The following DCAF8 variants were observed in gnomAD, a reference collection of about 807,000 sequenced individuals.
DCAF8 encodes DDB1 and CUL4 associated factor 8.
A neutral mutation model predicts 68.0 loss-of-function variants in DCAF8; 20 were observed. The observed-to-expected ratio is 0.29, with a 90% CI of 0.21 to 0.43. DCAF8 has a LOEUF of 0.43. Among genes scored for constraint, DCAF8 ranks in the 20% least tolerant of loss-of-function variants. The probability of loss-of-function intolerance (pLI) is 1.00; values close to 1 mark genes in which losing one functional copy is unlikely to be tolerated. For missense variants in DCAF8, 460 were observed against 771.0 expected, an observed-to-expected ratio of 0.60 and a Z score of 4.78; for synonymous variants, 230 against 276.9, an observed-to-expected ratio of 0.83 and a Z score of 1.68.
intron 7 of DCAF8, among the ~76,000 whole-genome samples, chr1:160,227,943 G>A (rs910562155): frequency 6.6e-6 from 1 of 151,994 alleles, no homozygotes; most frequent in Non-Finnish European, 1.5e-5. Context: ...CATCCAGGAT[G>A]GAGTGCAGTG....
intron 2 of DCAF8, among the ~76,000 whole-genome samples, chr1:160,245,282 T>C (rs1226763743): frequency 6.6e-6 from 1 of 152,212 alleles, no homozygotes; most frequent in Non-Finnish European, 1.5e-5. Context: ...AAGAATAATA[T>C]TATTCAGACC....
rs1655880115 is a variant in DCAF8, at chr1:160,236,307, T to C, written c.959+828A>G. On this transcript the variant is annotated intron_variant, in intron 6 of 13. Transcript: ENST00000368074. ...ACACGTACGTATATATATACATACA[T>C]ATATACGTGTGTGTATATAAATACA... Among the ~76,000 whole-genome samples the C allele has an allele frequency of 2.0e-5, 3 of 151,492 alleles. No homozygotes were observed. In the South Asian group the frequency reaches 6.2e-4, roughly 31 times the overall value.
chr1:160,239,067 G>C (rs1655995737), intron 4 of DCAF8: 1 of 710,830 alleles, frequency 1.4e-6, no homozygotes. Context: ...AATCTACTTT[G>C]ATTAAGAAAG....
At chr1:160,258,135 C>T (rs1397674472) in intron 2 of DCAF8, among the ~76,000 whole-genome samples, 4 of 151,972 alleles carry the variant, frequency 2.6e-5, no homozygotes, top group African/African-American at 7.3e-5. Flanking sequence ...TTGCTTGAGC[C>T]CAGGGGTTTG....
chr1:160,217,805 C>G (rs762683522), intron 13 of DCAF8, 97 bp from the exon 14 acceptor site: 10 of 926,258 alleles, frequency 1.1e-5, no homozygotes, highest in Non-Finnish European at 1.5e-5. Flanking sequence ...GGCCAGAGAT[C>G]AGCAGAATTT....
intron 7 of DCAF8, among the ~76,000 whole-genome samples, chr1:160,225,934 CATGGGTTCA>C (rs1236750566): frequency 6.6e-6 from 1 of 152,178 alleles, no homozygotes; most frequent in Non-Finnish European, 1.5e-5. Context: ...ACCTCCGCCT[CATGGGTTCA>C]AGCAATTCTC....
At position 160,225,634 on chromosome 1, in the gene DCAF8, T is replaced by A; in HGVS notation, c.1100A>T (p.Asn367Ile). The stretch of plus-strand genomic sequence containing the variant: ...CTTCTTGAGTACTCCATTGTTCTCA[T>A]TCTCATCAATTTTCCTCTGGTCATA... ...RIYDQRKIDE[N>I]ENNGVLKKFC... Residue 367 changes from asparagine (N) to isoleucine (I), a missense_variant, in exon 8 of 14, where the codon AAT becomes ATT. Around this residue, in one of 8 missense-constraint regions of DCAF8, gnomAD observed 170 missense variants for 318.2 expected, o/e 0.53. Coordinates refer to ENST00000368074, the MANE Select transcript of DCAF8 (RefSeq NM_015726.4). 1 of 1,613,852 alleles carries A rather than the reference T, an allele frequency of 6.2e-7. No homozygotes were observed. Among genetic ancestry groups the A allele is most frequent in the Non-Finnish European group, 8.5e-7 (1 of 1,179,740 alleles).
At chr1:160,227,682 A>T (rs1175438449) in intron 7 of DCAF8, among the ~76,000 whole-genome samples, 1 of 152,258 alleles carries the variant, frequency 6.6e-6, no homozygotes, top group Non-Finnish European at 1.5e-5. Flanking sequence ...TCTAATCTCT[A>T]TTAAAACTAT....
At chr1:160,244,780 C>G (rs142577308) in intron 2 of DCAF8, among the ~76,000 whole-genome samples, 2,404 of 152,014 alleles carry the variant, frequency 0.016, 61 homozygotes, top group African/African-American at 0.049. Context: ...ACCATGCCCA[C>G]CTTTCTGTAT....
At chr1:160,245,121 C>T (rs1407710960) in intron 2 of DCAF8, among the ~76,000 whole-genome samples, 2 of 152,200 alleles carry the variant, frequency 1.3e-5, no homozygotes, top group African/African-American at 2.4e-5. Context: ...TAATGGCAAA[C>T]ACTGTTTCAC....
intron 8 of DCAF8, among the ~76,000 whole-genome samples, 176 bp downstream of exon 8, chr1:160,225,415 C>T (rs1655438687): frequency 6.6e-6 from 1 of 152,178 alleles, no homozygotes; most frequent in African/African-American, 2.4e-5. Context: ...AAAACTGAGG[C>T]TATCAGAAGT....
chr1:160,256,720 T>C (rs1441975221), intron 2 of DCAF8, among the ~76,000 whole-genome samples: 1 of 152,224 alleles, frequency 6.6e-6, no homozygotes, highest in East Asian at 1.9e-4. Context: ...AGACATACTA[T>C]TAATACATTT....
At chr1:160,259,965 G>A (rs999337469) in intron 2 of DCAF8, among the ~76,000 whole-genome samples, 3 of 152,064 alleles carry the variant, frequency 2.0e-5, no homozygotes, top group Non-Finnish European at 2.9e-5. Flanking sequence ...CAAAGGACAC[G>A]TCTAAGCTGA....
intron 2 of DCAF8, among the ~76,000 whole-genome samples, chr1:160,254,579 G>A (rs1472517193): frequency 6.6e-6 from 1 of 151,982 alleles, no homozygotes; most frequent in Non-Finnish European, 1.5e-5. Context: ...GGATCACGAG[G>A]TCAAGAGATC....
At chr1:160,225,461 TA>T (rs1655440885) in intron 8 of DCAF8, 129 bp downstream of exon 8, 2 of 709,552 alleles carry the variant, frequency 2.8e-6, no homozygotes, top group Non-Finnish European at 4.8e-6. Context: ...TGGTAAGTGG[TA>T]AAGCCAGGAT....
chr1:160,233,242 A>C (rs766756862), intron 6 of DCAF8, among the ~76,000 whole-genome samples: 11 of 152,180 alleles, frequency 7.2e-5, no homozygotes, highest in Non-Finnish European at 1.2e-4. Flanking sequence ...GTATCTCTGC[A>C]GCTTTTCATT....
At chr1:160,242,623 C>T (rs1330015958) in intron 3 of DCAF8, among the ~76,000 whole-genome samples, 1 of 152,108 alleles carries the variant, frequency 6.6e-6, no homozygotes, top group Non-Finnish European at 1.5e-5. Context: ...TCACCAAGAT[C>T]TAGAGTAGGG....
intron 7 of DCAF8, among the ~76,000 whole-genome samples, chr1:160,229,213 T>C (rs1306114183): frequency 6.6e-6 from 1 of 151,920 alleles, no homozygotes; most frequent in African/African-American, 2.4e-5. Flanking sequence ...TGAGAATCAC[T>C]TGAACCCAGG....
chr1:160,254,649 G>T (rs1656754537), intron 2 of DCAF8, among the ~76,000 whole-genome samples: 1 of 152,020 alleles, frequency 6.6e-6, no homozygotes. Context: ...AAAATTAGCT[G>T]GGCATGGTGG....
Sources: gnomAD v4.1 joint callset for allele counts (sites outside exome capture counted in the v4.1 genomes callset) on GRCh38, gnomAD v4.1.1 for gene constraint, gnomAD v4.1.1 regional missense constraint, MANE v1.5 for transcripts, NCBI Gene and HGNC (gene_info 2026-07-23, HGNC 2026-07-21) for gene names.